The following ANKRD35 variants were observed in gnomAD, a reference collection of about 807,000 sequenced individuals.
ANKRD35 encodes ankyrin repeat domain 35.
In ANKRD35, 102 loss-of-function variants were observed where a neutral mutation model predicts 109.9. The observed-to-expected ratio is 0.93, with a 90% CI of 0.79 to 1.09. ANKRD35 has a LOEUF of 1.09. ANKRD35 is among the 50% of genes least tolerant of loss of function. The pLI is 0.00. For synonymous variants in ANKRD35, 515 were observed against 512.4 expected (o/e 1.01, Z -0.07); for missense variants, 1,240 against 1,230.1 (o/e 1.01, Z -0.12).
intron 1 of ANKRD35, among the ~76,000 whole-genome samples, chr1:145,883,965 G>A (rs1428030455): frequency 1.3e-5 from 2 of 152,174 alleles, no homozygotes; most frequent in African/African-American, 4.8e-5. Context: ...AGTTTAGAAT[G>A]GGTGGTCATT....
Position 145,874,263 on chromosome 1 carries a change from T to C in ANKRD35, c.746-71A>G, listed in dbSNP as rs183837200. The C allele has an allele frequency of 3.9e-6, 6 of 1,534,192 alleles. No homozygotes were observed. The Admixed American group carries it at 1.0e-4, about 26-fold the overall frequency. On this transcript the variant is annotated intron_variant, in intron 8 of 13. Coordinates refer to ENST00000355594, the MANE Select transcript of ANKRD35 (RefSeq NM_144698.5). ...TGTACTTCCAGCCCACATTCTTATCTTCAGACTTTTTCTGAGAGGAGTGGC... is the reference window on the plus strand; with the variant it reads ...TGTACTTCCAGCCCACATTCTTATCCTCAGACTTTTTCTGAGAGGAGTGGC...
chr1:145,885,591 T>G, intron 1 of ANKRD35, 129 bp downstream of exon 1: 1 of 1,161,240 alleles, frequency 8.6e-7, no homozygotes. Context: ...CGGGCTTCCT[T>G]GCAAGACTAG....
At position 145,867,388 on chromosome 1, in the gene ANKRD35, T is replaced by C; in HGVS notation, c.2948A>G (p.Tyr983Cys). 1 of 1,613,770 alleles carries C rather than the reference T, an allele frequency of 6.2e-7. No individual in the cohort carries two copies. The highest frequency in any genetic ancestry group is 1.7e-5 in the Admixed American group (1 of 60,004). The change falls in exon 13 of 14, where the codon TAC becomes TGC. Residue 983 changes from tyrosine (Y) to cysteine (C), a missense_variant. By Grantham distance (194) the Tyr-to-Cys change is radical (BLOSUM62 -2). Coordinates refer to ENST00000355594, the MANE Select transcript of ANKRD35 (RefSeq NM_144698.5). Reference protein sequence around the residue: ...RNHLLNAARGYMEHEVYNILL... With the variant: ...RNHLLNAARGCMEHEVYNILL... ...GATATTGTACACTTCATGTTCCATG[T>C]AACCCTGTAGATGTCAGGAAAGGAA...
rs1260545492 is a variant in ANKRD35 at position 145,876,613 on chromosome 1, G to A, written c.409C>T (p.Leu137Phe). The change falls in exon 6 of 14, where the codon CTC becomes TTC. Residue 137 changes from leucine (L) to phenylalanine (F), a missense_variant. Physicochemically the swap from Leu to Phe is conservative, Grantham distance 22 (BLOSUM62 0). Coordinates refer to ENST00000355594, the MANE Select transcript of ANKRD35 (RefSeq NM_144698.5). ...AASSGCASSV[L>F]LLCDHEAFLD... ...AAGGCTTCGTGGTCACACAGCAGGAGCACACTTGAGGCACAGCCAGAGGAG... is the reference window on the plus strand; with the variant it reads ...AAGGCTTCGTGGTCACACAGCAGGAACACACTTGAGGCACAGCCAGAGGAG... The A allele has an allele frequency of 1.2e-6, 2 of 1,614,184 alleles. No individual in the cohort carries two copies. The highest frequency in any genetic ancestry group is 2.7e-5 in the African/African-American group (2 of 75,040).
At chr1:145,882,670 G>C (rs187624042) in intron 1 of ANKRD35, among the ~76,000 whole-genome samples, 1 of 152,208 alleles carries the variant, frequency 6.6e-6, no homozygotes, top group African/African-American at 2.4e-5. Context: ...ACTAAGTAGA[G>C]TTTAGAATGG....
chr1:145,868,080 G>A (rs782477029), intron 11 of ANKRD35, 24 bp from the exon 12 acceptor site: 11 of 1,610,948 alleles, frequency 6.8e-6, no homozygotes, highest in South Asian at 1.1e-5. Flanking sequence ...TCAATGGGAA[G>A]TCACATGTCC....
chr1:145,870,266 G>A (rs1317818239), intron 10 of ANKRD35, among the ~76,000 whole-genome samples: 4 of 151,724 alleles, frequency 2.6e-5, no homozygotes, highest in African/African-American at 9.7e-5. Context: ...TAATTTTTTT[G>A]TATTTTTAGT....
intron 2 of ANKRD35, among the ~76,000 whole-genome samples, chr1:145,878,880 A>G (rs999565137): frequency 6.6e-6 from 1 of 151,774 alleles, no homozygotes; most frequent in Admixed American, 6.6e-5. Context: ...CTTAATCACT[A>G]CTCCCTCTAG....
Position 145,873,631 on chromosome 1 carries a change from C to CCT in ANKRD35, c.1137_1138insAG (p.Glu380ArgfsTer7). 1 of 1,614,098 alleles carries CCT rather than the reference C, an allele frequency of 6.2e-7. No individual in the cohort carries two copies. ...TGCTTCTTTAGCTCTTGTGTACTCT[C>CCT]AGCCAGCAGGTCCTTAGGACAACCC... On this transcript the variant is annotated frameshift_variant, in exon 10 of 14. Coordinates refer to ENST00000355594, the MANE Select transcript of ANKRD35 (RefSeq NM_144698.5). LOFTEE classifies it high-confidence loss of function.
At chr1:145,884,242 T>A (rs1446728336) in intron 1 of ANKRD35, among the ~76,000 whole-genome samples, 1 of 152,212 alleles carries the variant, frequency 6.6e-6, no homozygotes, top group Non-Finnish European at 1.5e-5. Flanking sequence ...TAAGACTGAG[T>A]CTGGGCAGCC....
intron 7 of ANKRD35, among the ~76,000 whole-genome samples, chr1:145,875,629 A>C (rs1553739907): frequency 2.0e-5 from 3 of 150,960 alleles, no homozygotes; most frequent in African/African-American, 7.3e-5. Context: ...GCTCACTGCA[A>C]CCTCCACCTC....
At position 145,872,152 on chromosome 1, in the gene ANKRD35, C is replaced by T; in HGVS notation, c.2617G>A (p.Ala873Thr). 1 of 1,609,352 alleles carries T rather than the reference C, an allele frequency of 6.2e-7. No homozygotes were observed. Among genetic ancestry groups the T allele is most frequent in the Non-Finnish European group, 8.5e-7 (1 of 1,178,082 alleles). ...ACREVGRLRE[A>T]VAEERRRSGD... The stretch of plus-strand genomic sequence containing the variant: ...CTCCGGCGGCGCTCCTCGGCCACCG[C>T]CTCCCGCAGCCGACCCACTTCCCGG... The change falls in exon 10 of 14, where the codon GCG becomes ACG. Residue 873 changes from alanine to threonine, a missense_variant. Coordinates refer to ENST00000355594, the MANE Select transcript of ANKRD35 (RefSeq NM_144698.5).
chr1:145,878,802 G>T (rs995613289), intron 2 of ANKRD35, among the ~76,000 whole-genome samples: 1 of 152,202 alleles, frequency 6.6e-6, no homozygotes, highest in Non-Finnish European at 1.5e-5. Context: ...GAAAGAGTCA[G>T]CCAGAGCAGA....
intron 10 of ANKRD35, 135 bp downstream of exon 10, chr1:145,871,847 G>T: frequency 8.7e-7 from 1 of 1,153,064 alleles, no homozygotes; most frequent in Non-Finnish European, 1.2e-6. Context: ...TGTGGTCCCT[G>T]CAAAGGACTG....
Position 145,873,580 on chromosome 1 carries a change from G to GA in ANKRD35, c.1188dup (p.Pro397SerfsTer9), listed in dbSNP as rs1553739406. On this transcript the variant is annotated frameshift_variant, in exon 10 of 14. Transcript: ENST00000355594. LOFTEE classifies it high-confidence loss of function. ...TCAGCCTTCTTTGGAGCTAATACTG[G>GA]ATTTACTGTGGCTGCTGCCTGCTGC... 1 of 1,614,062 alleles carries GA rather than the reference G, an allele frequency of 6.2e-7. No homozygotes were observed.
In ANKRD35 at chr1:145,872,907, C is replaced by T; in HGVS notation, c.1862G>A (p.Arg621Lys). The T allele has an allele frequency of 6.2e-7, 1 of 1,614,072 alleles. No homozygotes were observed. The change falls in exon 10 of 14, where the codon AGA becomes AAA. Residue 621 changes from arginine (R) to lysine (K), a missense_variant. Transcript: ENST00000355594. ...CTCCAGCAAGTTACTGTTGCTCAGT[C>T]TCAGTACTGACATCTCCTTCTCCAG... is the stretch of plus-strand genomic sequence containing the variant. ...GQLEKEMSVL[R>K]LSNSNLLEEL...
chr1:145,870,317 C>T (rs1653762906), intron 10 of ANKRD35, among the ~76,000 whole-genome samples: 1 of 152,028 alleles, frequency 6.6e-6, no homozygotes, highest in African/African-American at 2.4e-5. Flanking sequence ...TGGTCTCGAT[C>T]TCCTGACCTC....
At chr1:145,874,754 A>C in intron 8 of ANKRD35, 68 bp downstream of exon 8, 1 of 1,458,942 alleles carries the variant, frequency 6.9e-7, no homozygotes, top group South Asian at 1.5e-5. Context: ...ACTTCCATGG[A>C]AACAAATGGG....
chr1:145,883,940 T>A, intron 1 of ANKRD35, among the ~76,000 whole-genome samples: 1 of 152,218 alleles, frequency 6.6e-6, no homozygotes, highest in East Asian at 1.9e-4. Context: ...TATAGTAAGA[T>A]CTTGTTATAC....
Sources: gnomAD v4.1 joint callset for allele counts (sites outside exome capture counted in the v4.1 genomes callset) on GRCh38, gnomAD v4.1.1 for gene constraint, MANE v1.5 for transcripts, NCBI Gene and HGNC (gene_info 2026-07-23, HGNC 2026-07-21) for gene names.